Variants in GLIS2 observed in about 807,000 individuals in gnomAD.
The protein encoded by GLIS2 is zinc finger protein GLIS2.
Under a neutral mutation model 35.6 loss-of-function variants are expected in GLIS2, and 14 were observed. That is an observed-to-expected ratio of 0.39 (90% CI 0.26 to 0.61). GLIS2 has a LOEUF of 0.61. Among genes scored for constraint, GLIS2 ranks in the 20% least tolerant of loss-of-function variants. The pLI is 0.48. For synonymous variants in GLIS2, 368 were observed against 325.1 expected (o/e 1.13, Z -1.42); for missense variants, 675 against 713.4 (o/e 0.95, Z 0.61).
At chr16:4,319,982 C>G (rs889934614) in intron 1 of GLIS2, among the ~76,000 whole-genome samples, 6 of 151,846 alleles carry the variant, frequency 4.0e-5, no homozygotes, top group Admixed American at 6.5e-5. Flanking sequence ...GTGGGGGCTT[C>G]CCATCTGCCC....
In GLIS2 at chr16:4,339,059, C is replaced by G. The variant is rs1017491522; in HGVS notation, c.*1535C>G. ...TCTGCTGACCCCACCCTCTCCCGGACTGCCCTTCTGTCCCAGAGGGGTCAC... is the reference window on the plus strand; with the variant it reads ...TCTGCTGACCCCACCCTCTCCCGGAGTGCCCTTCTGTCCCAGAGGGGTCAC... On this transcript the variant is annotated 3_prime_UTR_variant, in exon 7 of 7. Coordinates refer to ENST00000433375, the MANE Select transcript of GLIS2 (RefSeq NM_032575.3). The G allele has an allele frequency of 1.3e-5, 2 of 152,486 alleles. No homozygotes were observed. The highest frequency in any genetic ancestry group is 4.8e-5 in the African/African-American group (2 of 41,488). The allele number at this position is 152,486 out of a possible 1,614,324, so 9.4% of individuals were successfully genotyped here. A position where few individuals can be genotyped will look rare whatever the true frequency, so the allele number is the denominator to read the frequency against.
upstream of GLIS2, among the ~76,000 whole-genome samples, chr16:4,315,941 C>CT (rs2053305231): frequency 6.7e-6 from 1 of 149,062 alleles, no homozygotes. Context: ...GAGGCCGCCC[C>CT]CCGCGCCCCT....
chr16:4,325,287 C>G (rs1173724605), intron 1 of GLIS2: 1 of 152,274 alleles, frequency 6.6e-6, no homozygotes, highest in East Asian at 1.9e-4. Flanking sequence ...TGAAACCCAG[C>G]TCTGCCACGG....
Position 4,332,855 on chromosome 16 carries a change from G to C in GLIS2, c.172+403G>C, listed in dbSNP as rs554822290. The stretch of plus-strand genomic sequence containing the variant: ...GATTCCCGGTGCTTGGGCCCAGGGT[G>C]GTGGGCACCACTTCTGCCCTGCCTC... On this transcript the variant is annotated intron_variant, in intron 2 of 6. Coordinates refer to ENST00000433375, the MANE Select transcript of GLIS2 (RefSeq NM_032575.3). This position sits in a 1 kb window ranked among gnomAD's most constrained non-coding sequence, Gnocchi z 5.4. Among the ~76,000 whole-genome samples the C allele has an allele frequency of 2.3e-3, 346 of 152,274 alleles. 6 individuals are homozygous for C. Among genetic ancestry groups the C allele is most frequent in the South Asian group, 0.021 (103 of 4,818 alleles).
chr16:4,335,036 C>T lies in GLIS2; in HGVS notation c.523-24C>T. The T allele has an allele frequency of 1.9e-6, 3 of 1,613,366 alleles. No individual in the cohort carries two copies. The highest frequency in any genetic ancestry group is 2.2e-5 in the East Asian group (1 of 44,880). On this transcript the variant is annotated intron_variant, in intron 4 of 6. Coordinates refer to ENST00000433375, the MANE Select transcript of GLIS2 (RefSeq NM_032575.3). This position sits in a 1 kb window ranked among gnomAD's most constrained non-coding sequence, Gnocchi z 4.6. ...TGGGGCAGGTCACCCCGCATGGGCTCAGAACACTTCCCATCCTCCGCAGTG... is the reference window on the plus strand; with the variant it reads ...TGGGGCAGGTCACCCCGCATGGGCTTAGAACACTTCCCATCCTCCGCAGTG...
chr16:4,318,427 C>T (rs996835826), intron 1 of GLIS2, among the ~76,000 whole-genome samples: 1 of 152,174 alleles, frequency 6.6e-6, no homozygotes, highest in African/African-American at 2.4e-5. Flanking sequence ...GGGTGGAGCC[C>T]GGATGAATAA....
At position 4,335,056 on chromosome 16, in the gene GLIS2, G is replaced by C; in HGVS notation, c.523-4G>C. 3.1e-6 allele frequency: 5 copies of C among 1,613,416 alleles called. No homozygotes were observed. The highest frequency in any genetic ancestry group is 4.2e-6 in the Non-Finnish European group (5 of 1,180,030). On this transcript the variant is annotated splice_polypyrimidine_tract_variant and splice_region_variant and intron_variant, in intron 4 of 6. Coordinates refer to ENST00000433375, the MANE Select transcript of GLIS2 (RefSeq NM_032575.3). This position sits in a 1 kb window ranked among gnomAD's most constrained non-coding sequence, Gnocchi z 4.6. ...GGGCTCAGAACACTTCCCATCCTCCGCAGTGTAACCAGCTCTTTGAGCTCC... is the reference window on the plus strand; with the variant it reads ...GGGCTCAGAACACTTCCCATCCTCCCCAGTGTAACCAGCTCTTTGAGCTCC...
rs1164482690 is a variant in GLIS2 at position 4,336,715 on chromosome 16, C to T, written c.776-10C>T. ...CCCTCATGGCGGCACTGCACTGCAC[C>T]ACCCTGCAGGTGAGAAGCCCTACGT... On this transcript the variant is annotated splice_polypyrimidine_tract_variant and intron_variant, in intron 6 of 6. Coordinates refer to ENST00000433375, the MANE Select transcript of GLIS2 (RefSeq NM_032575.3). 2 of 1,588,114 alleles carry T rather than the reference C, an allele frequency of 1.3e-6. No homozygotes were observed. Among genetic ancestry groups the T allele is most frequent in the Non-Finnish European group, 1.7e-6 (2 of 1,167,892 alleles).
Position 4,335,449 on chromosome 16 carries a change from G to C in GLIS2, c.775+56G>C, listed in dbSNP as rs532273249. ...ATGAAGGGGGCGCTCAGCTGAGACC[G>C]GCTGGGCAGGTCCCCAGGGGGAGGG... On this transcript the variant is annotated intron_variant, in intron 6 of 6. Coordinates refer to ENST00000433375, the MANE Select transcript of GLIS2 (RefSeq NM_032575.3). The surrounding 1 kb of genome is among the most constrained non-coding windows in gnomAD (Gnocchi z 4.6). 3 of 1,480,342 alleles carry C rather than the reference G, an allele frequency of 2.0e-6. No homozygotes were observed. The highest frequency in any genetic ancestry group is 2.8e-6 in the Non-Finnish European group (3 of 1,060,508). The allele number at this position is 1,480,342 out of a possible 1,614,324, so 91.7% of individuals were successfully genotyped here. A position where few individuals can be genotyped will look rare whatever the true frequency, so the allele number is the denominator to read the frequency against.
In GLIS2 at chr16:4,337,342, C is replaced by T. The variant is rs774316267; in HGVS notation, c.1393C>T (p.Leu465Phe). ...ALGMEGHKTP[L>F]ERTESSCSRP... ...GGGCATGGAGGGCCACAAGACGCCC[C>T]TTGAAAGGACGGAGAGCAGCTGCTC... The change falls in exon 7 of 7, where the codon CTT becomes TTT. Residue 465 changes from leucine (L) to phenylalanine (F), a missense_variant. Transcript: ENST00000433375. 1.3e-5 allele frequency: 20 copies of T among 1,588,762 alleles called. No homozygotes were observed. The highest frequency in any genetic ancestry group is 1.5e-5 in the Non-Finnish European group (18 of 1,169,400).
At chr16:4,336,613 G>A in intron 6 of GLIS2, 112 bp from the exon 7 acceptor site, 1 of 1,076,288 alleles carries the variant, frequency 9.3e-7, no homozygotes, top group Non-Finnish European at 1.4e-6. Context: ...CCAGAATTGG[G>A]GCATCTATGT....
chr16:4,331,193 G>A (rs190309818), intron 1 of GLIS2, among the ~76,000 whole-genome samples: 214 of 152,146 alleles, frequency 1.4e-3, no homozygotes, highest in African/African-American at 4.4e-3. Flanking sequence ...TGTTAGCCAG[G>A]ATGGTCTCTA....
chr16:4,330,940 C>T (rs1199681931), intron 1 of GLIS2, among the ~76,000 whole-genome samples: 3 of 152,224 alleles, frequency 2.0e-5, no homozygotes, highest in Non-Finnish European at 4.4e-5. Flanking sequence ...CTGGCCCACC[C>T]AGGGCGGAAA....
chr16:4,315,371 G>A (rs1350022595), upstream of GLIS2: 1 of 152,242 alleles, frequency 6.6e-6, no homozygotes, highest in Non-Finnish European at 1.5e-5. Flanking sequence ...TCCTGGAACT[G>A]GGCTGGGCGG....
intron 3 of GLIS2, among the ~76,000 whole-genome samples, chr16:4,334,181 C>T (rs1447703025): frequency 2.0e-5 from 3 of 151,618 alleles, no homozygotes; most frequent in African/African-American, 2.4e-5. Flanking sequence ...TCAACTGATC[C>T]GCCCATCTCG....
At chr16:4,323,305 G>A (rs953024523) in intron 1 of GLIS2, among the ~76,000 whole-genome samples, 6 of 152,192 alleles carry the variant, frequency 3.9e-5, no homozygotes, top group Admixed American at 1.3e-4. Context: ...CTCCCAGCCC[G>A]GGTGGGTGGG....
In GLIS2 at chr16:4,336,738, C is replaced by T. The variant is rs368686815; in HGVS notation, c.789C>T (p.Tyr263=). 3.0e-5 allele frequency: 48 copies of T among 1,603,476 alleles called. No homozygotes were observed. In the African/African-American group the frequency reaches 3.2e-4, roughly 11 times the overall value. ...ACCACCCTGCAGGTGAGAAGCCCTA[C>T]GTCTGCCCCTACGAGGGCTGCAACA... ...HNRSHTGEKP[Y]VCPYEGCNKR... is the part of the protein sequence containing the mutation. Residue 263 remains tyrosine (Y), a synonymous_variant, in exon 7 of 7, where the codon TAC becomes TAT. Transcript: ENST00000433375.
chr16:4,318,614 G>A (rs2053340984), intron 1 of GLIS2, among the ~76,000 whole-genome samples: 1 of 152,210 alleles, frequency 6.6e-6, no homozygotes, highest in Admixed American at 6.5e-5. Flanking sequence ...ACAGGCCGGA[G>A]GGAAAACAAA....
rs151179932 is a variant in GLIS2, at chr16:4,332,995, G to T, written c.173-352G>T. Among the ~76,000 whole-genome samples, 1 of 152,318 alleles carries T rather than the reference G, an allele frequency of 6.6e-6. No homozygotes were observed. Among genetic ancestry groups the T allele is most frequent in the East Asian group, 1.9e-4 (1 of 5,180 alleles). Reference sequence around the variant, plus strand: ...GAAGGGAACACTGAGGCAGGAAGGGGCCTGGGAAAAGCTAGAAAGGTTCCT... The same window carrying T: ...GAAGGGAACACTGAGGCAGGAAGGGTCCTGGGAAAAGCTAGAAAGGTTCCT... On this transcript the variant is annotated intron_variant, in intron 2 of 6. Transcript: ENST00000433375. This position sits in a 1 kb window ranked among gnomAD's most constrained non-coding sequence, Gnocchi z 5.4.
Sources: gnomAD v4.1 joint callset for allele counts (sites outside exome capture counted in the v4.1 genomes callset) on GRCh38, gnomAD v4.1.1 for gene constraint, Gnocchi (gnomAD v3.1) non-coding constraint, MANE v1.5 for transcripts, NCBI Gene and HGNC (gene_info 2026-07-23, HGNC 2026-07-21) for gene names.